Variants in DIAPH3 observed in about 807,000 individuals in gnomAD.
DIAPH3 encodes diaphanous related formin 3.
In DIAPH3, 117 loss-of-function variants were observed where a neutral mutation model predicts 144.3. The ratio of observed to expected loss-of-function variants is 0.81; its 90% CI spans 0.70 to 0.95. DIAPH3 has a LOEUF of 0.95. Ranked by LOEUF, DIAPH3 falls within the 40% of genes least tolerant of loss-of-function variation. The pLI, the probability that DIAPH3 is intolerant of heterozygous loss-of-function variation, is 0.00. For synonymous variants in DIAPH3, 519 were observed against 488.9 expected (o/e 1.06, Z -0.81); for missense variants, 1,421 against 1,412.7 (o/e 1.01, Z -0.09).
At chr13:60,074,122 T>C (rs908318161) in intron 4 of DIAPH3, among the ~76,000 whole-genome samples, 1 of 152,176 alleles carries the variant, frequency 6.6e-6, no homozygotes, top group Non-Finnish European at 1.5e-5. Flanking sequence ...CTGACGACAA[T>C]CCAGGGTCTC....
At chr13:59,737,301 G>T (rs1027562806) in intron 27 of DIAPH3, among the ~76,000 whole-genome samples, 6 of 85,588 alleles carry the variant, frequency 7.0e-5, no homozygotes, top group African/African-American at 2.1e-4. Flanking sequence ...ATTTACAAAA[G>T]AAAAAATAAA....
chr13:60,029,882 T>C lies in DIAPH3; in HGVS notation c.626+12808A>G, dbSNP rs115037105. Reference sequence around the variant, plus strand: ...CCACTTCCACAGAATGAAAATCCAATAACCCTACCACGAGCTTTATGGCCA... The same window carrying C: ...CCACTTCCACAGAATGAAAATCCAACAACCCTACCACGAGCTTTATGGCCA... On this transcript the variant is annotated intron_variant, in intron 5 of 27. Coordinates refer to ENST00000400324, the MANE Select transcript of DIAPH3 (RefSeq NM_001042517.2). 7.7e-3 allele frequency among the ~76,000 whole-genome samples: 1,177 copies of C among 152,148 alleles called. 16 individuals are homozygous for C. The highest frequency in any genetic ancestry group is 0.026 in the African/African-American group (1,092 of 41,518).
At chr13:60,059,363 C>T (rs1385369588) in intron 4 of DIAPH3, among the ~76,000 whole-genome samples, 2 of 152,026 alleles carry the variant, frequency 1.3e-5, no homozygotes, top group East Asian at 3.9e-4. Context: ...ATGGATTTTA[C>T]TGTATGAACG....
Position 59,894,972 on chromosome 13 carries a change from C to T in DIAPH3, c.2368-15504G>A, listed in dbSNP as rs530862661. Among the ~76,000 whole-genome samples the T allele has an allele frequency of 5.0e-4, 76 of 152,104 alleles. 2 individuals are homozygous for T. In the South Asian group the frequency reaches 0.015, roughly 31 times the overall value. Reference sequence around the variant, plus strand: ...TACCATAAGAAGATGACACATAATGCTACAACAAGGAACAAAATATTGACA... The same window carrying T: ...TACCATAAGAAGATGACACATAATGTTACAACAAGGAACAAAATATTGACA... On this transcript the variant is annotated intron_variant, in intron 20 of 27. Coordinates refer to ENST00000400324, the MANE Select transcript of DIAPH3 (RefSeq NM_001042517.2).
At chr13:59,859,835 A>C (rs1415368424) in intron 22 of DIAPH3, among the ~76,000 whole-genome samples, 1 of 152,172 alleles carries the variant, frequency 6.6e-6, no homozygotes, top group East Asian at 1.9e-4. Context: ...CAGGTGATTT[A>C]ACACAAGAAA....
At chr13:59,756,526 CAGGGAGGGAGGGAGGG>C (rs558993505) in intron 27 of DIAPH3, among the ~76,000 whole-genome samples, 7 of 87,680 alleles carry the variant, frequency 8.0e-5, no homozygotes, top group African/African-American at 1.3e-4. Context: ...GTCAGGCAGG[CAGGGAGGGAGGGAGGG>C]AGGGAGGGAG....
chr13:60,023,720 C>A (rs2054181711), intron 5 of DIAPH3, among the ~76,000 whole-genome samples: 1 of 151,902 alleles, frequency 6.6e-6, no homozygotes, highest in Admixed American at 6.6e-5. Flanking sequence ...AGGCGTGAGC[C>A]ACCGTGCCCA....
chr13:59,974,093 C>A (rs1343053725), intron 15 of DIAPH3, among the ~76,000 whole-genome samples: 1 of 151,920 alleles, frequency 6.6e-6, no homozygotes, highest in Non-Finnish European at 1.5e-5. Flanking sequence ...ACTCTTTATG[C>A]TGAATTACTT....
intron 20 of DIAPH3, among the ~76,000 whole-genome samples, chr13:59,910,928 G>A (rs73196164): frequency 0.059 from 8,969 of 150,988 alleles, 308 homozygotes; most frequent in Admixed American, 0.1. Context: ...CAAAATATGA[G>A]GTGCAGGCAC....
At chr13:59,848,037 T>A (rs1402405362) in intron 22 of DIAPH3, among the ~76,000 whole-genome samples, 1 of 152,208 alleles carries the variant, frequency 6.6e-6, no homozygotes, top group African/African-American at 2.4e-5. Context: ...ATAGAGCGCA[T>A]CTTGCTGGTT....
intron 18 of DIAPH3, among the ~76,000 whole-genome samples, chr13:59,919,693 G>A (rs1468405238): frequency 2.6e-5 from 4 of 152,034 alleles, no homozygotes; most frequent in Non-Finnish European, 5.9e-5. Flanking sequence ...GGATGATAAT[G>A]AGAAACATAA....
chr13:60,134,781 C>A (rs9317102), intron 1 of DIAPH3, among the ~76,000 whole-genome samples: 34,381 of 151,716 alleles, frequency 0.23, 4,064 homozygotes, highest in South Asian at 0.27. Flanking sequence ...AAAAGTAAAG[C>A]CAAAGAAATA....
At chr13:59,749,386 G>T in intron 27 of DIAPH3, among the ~76,000 whole-genome samples, 1 of 150,524 alleles carries the variant, frequency 6.6e-6, no homozygotes, top group Non-Finnish European at 1.5e-5. Context: ...CAGGCGTGGT[G>T]GTGGGCACCT....
chr13:59,816,533 A>G (rs1160492934), intron 24 of DIAPH3, among the ~76,000 whole-genome samples: 1 of 151,286 alleles, frequency 6.6e-6, no homozygotes, highest in African/African-American at 2.4e-5. Context: ...TTCTTGATTA[A>G]TCTTTTTAGC....
chr13:60,139,382 CT>C (rs758481456), intron 1 of DIAPH3, among the ~76,000 whole-genome samples: 22 of 152,260 alleles, frequency 1.4e-4, no homozygotes, highest in South Asian at 1.0e-3. Flanking sequence ...TTTTAATCTG[CT>C]CATTTATTCA....
chr13:60,084,007 C>CAGATAGATAGATAGAT (rs71089524), intron 4 of DIAPH3, among the ~76,000 whole-genome samples: 28 of 136,460 alleles, frequency 2.1e-4, no homozygotes, highest in Admixed American at 1.1e-3. Flanking sequence ...GATAGATAGA[C>CAGATAGATAGATAGAT]AGATAGATAG....
intron 7 of DIAPH3, chr13:60,013,306 C>T: frequency 1.3e-6 from 1 of 766,828 alleles, no homozygotes; most frequent in Non-Finnish European, 1.6e-6. Flanking sequence ...GCTCTAAATC[C>T]TCGTGTAGGA....
chr13:59,844,884 T>C (rs2042547417), intron 22 of DIAPH3, among the ~76,000 whole-genome samples: 1 of 152,312 alleles, frequency 6.6e-6, no homozygotes, highest in Non-Finnish European at 1.5e-5. Context: ...CCATTTCTTG[T>C]GCTAGAAACC....
intron 24 of DIAPH3, among the ~76,000 whole-genome samples, chr13:59,811,736 CAAAAAAAAAAAA>C (rs59712985): frequency 3.5e-5 from 2 of 56,772 alleles, no homozygotes; most frequent in East Asian, 1.0e-3. Flanking sequence ...GACTCTGTCT[CAAAAAAAAAAAA>C]AAAAAAAAAG....
Sources: allele counts gnomAD v4.1 joint callset (sites outside exome capture counted in the v4.1 genomes callset), GRCh38; gene constraint gnomAD v4.1.1; transcripts MANE v1.5; gene names NCBI Gene and HGNC (gene_info 2026-07-23, HGNC 2026-07-21).